Variants in FSTL4 observed in about 807,000 individuals in gnomAD.
The protein encoded by FSTL4 is follistatin-related protein 4.
FSTL4 carries 28 observed loss-of-function variants against 78.2 expected under a neutral mutation model. The observed-to-expected ratio is 0.36, with a 90% confidence interval of 0.27 to 0.49. FSTL4 has a LOEUF of 0.49. FSTL4 is among the 20% of genes least tolerant of loss of function. The pLI, the probability that FSTL4 is intolerant of heterozygous loss-of-function variation, is 0.98. For missense variants in FSTL4, 922 were observed against 1,084.9 expected, an observed-to-expected ratio of 0.85 and a Z score of 2.11; for synonymous variants, 422 against 440.5, an observed-to-expected ratio of 0.96 and a Z score of 0.53.
the FSTL4 span, among the ~76,000 whole-genome samples, chr5:133,675,137 A>G: frequency 6.6e-6 from 1 of 152,084 alleles, no homozygotes; most frequent in Admixed American, 6.5e-5. Flanking sequence ...CCTCTCCGAG[A>G]AAATGGCATT....
the FSTL4 span, among the ~76,000 whole-genome samples, chr5:133,749,010 G>T: frequency 6.6e-6 from 1 of 152,144 alleles, no homozygotes; most frequent in African/African-American, 2.4e-5. Flanking sequence ...TCAAGGATAG[G>T]ACAATTGGTG....
the FSTL4 span, among the ~76,000 whole-genome samples, chr5:133,827,451 T>C: frequency 1.3e-5 from 2 of 152,078 alleles, no homozygotes; most frequent in Non-Finnish European, 2.9e-5. Context: ...TCAGCTGATA[T>C]GGATGCAGAT....
chr5:133,517,916 G>A (rs1335166859), intron 3 of FSTL4, among the ~76,000 whole-genome samples: 1 of 152,124 alleles, frequency 6.6e-6, no homozygotes, highest in East Asian at 1.9e-4. Context: ...CCACTGACTG[G>A]GTGAGGTCCA....
intron 2 of FSTL4, among the ~76,000 whole-genome samples, chr5:133,589,245 C>A (rs1426726613): frequency 1.4e-5 from 1 of 70,546 alleles, no homozygotes; most frequent in Admixed American, 1.5e-4. Flanking sequence ...ATGTAACTAA[C>A]CTGCACAATG....
At chr5:133,709,831 C>G in the FSTL4 span, among the ~76,000 whole-genome samples, 13 of 152,350 alleles carry the variant, frequency 8.5e-5, no homozygotes, top group African/African-American at 2.9e-4. Flanking sequence ...ATAGATCTCA[C>G]TTTTATGTTG....
chr5:133,749,634 C>CA, the FSTL4 span, among the ~76,000 whole-genome samples: 1 of 152,208 alleles, frequency 6.6e-6, no homozygotes, highest in Non-Finnish European at 1.5e-5. Flanking sequence ...CAAAGCCTCC[C>CA]ACACCCTTAT....
intron 2 of FSTL4, among the ~76,000 whole-genome samples, chr5:133,593,879 C>G (rs952897221): frequency 1.3e-5 from 2 of 152,102 alleles, no homozygotes; most frequent in African/African-American, 4.8e-5. Flanking sequence ...TCTGAAGCAG[C>G]TGATTGCTCC....
intron 3 of FSTL4, among the ~76,000 whole-genome samples, chr5:133,425,841 C>T (rs1190533935): frequency 2.0e-5 from 3 of 152,176 alleles, no homozygotes; most frequent in African/African-American, 4.8e-5. Context: ...GTGGTTTGTC[C>T]ACTGCACGAT....
At chr5:133,772,351 TTG>T in the FSTL4 span, among the ~76,000 whole-genome samples, 1 of 152,344 alleles carries the variant, frequency 6.6e-6, no homozygotes, top group African/African-American at 2.4e-5. Context: ...AATAAACCAT[TTG>T]TGTTTTTTAG....
intron 3 of FSTL4, among the ~76,000 whole-genome samples, chr5:133,406,455 G>A (rs946842350): frequency 5.9e-5 from 9 of 152,186 alleles, no homozygotes; most frequent in Non-Finnish European, 1.3e-4. Flanking sequence ...TCCTCTTAGA[G>A]GCCAGAAAAC....
At chr5:133,462,436 C>A (rs1757611524) in intron 3 of FSTL4, among the ~76,000 whole-genome samples, 1 of 152,250 alleles carries the variant, frequency 6.6e-6, no homozygotes, top group South Asian at 2.1e-4. Context: ...TATCTTTCAG[C>A]CCATTAACAC....
chr5:133,461,486 C>T (rs1757589797), intron 3 of FSTL4, among the ~76,000 whole-genome samples: 1 of 152,170 alleles, frequency 6.6e-6, no homozygotes, highest in Non-Finnish European at 1.5e-5. Context: ...ATGTTTGTTG[C>T]TGTAAATCTG....
At chr5:133,215,523 T>A (rs2126779380) in intron 13 of FSTL4, among the ~76,000 whole-genome samples, 1 of 151,874 alleles carries the variant, frequency 6.6e-6, no homozygotes, top group Non-Finnish European at 1.5e-5. Flanking sequence ...AAGTCTCTTC[T>A]CTTCTAACAG....
chr5:133,501,949 A>G (rs964215433), intron 3 of FSTL4, among the ~76,000 whole-genome samples: 1 of 152,170 alleles, frequency 6.6e-6, no homozygotes, highest in Admixed American at 6.5e-5. Flanking sequence ...GCAGACACAC[A>G]GGGAAGAGAC....
chr5:133,492,019 T>C (rs1024957237), intron 3 of FSTL4, among the ~76,000 whole-genome samples: 2 of 152,228 alleles, frequency 1.3e-5, no homozygotes, highest in Non-Finnish European at 2.9e-5. Context: ...TCTACTGAGC[T>C]GTCTGAATGT....
chr5:133,327,691 G>A (rs1021154701), intron 4 of FSTL4, among the ~76,000 whole-genome samples: 1 of 152,194 alleles, frequency 6.6e-6, no homozygotes, highest in African/African-American at 2.4e-5. Context: ...AGGGGGAGGA[G>A]GGCATGGCTA....
chr5:133,705,322 G>A, the FSTL4 span, among the ~76,000 whole-genome samples: 3 of 152,176 alleles, frequency 2.0e-5, no homozygotes, highest in Admixed American at 2.0e-4. Flanking sequence ...GCCTCCCAAA[G>A]TGCTAGGATT....
At chr5:133,287,167 T>C (rs1561657518) in intron 6 of FSTL4, among the ~76,000 whole-genome samples, 1 of 152,116 alleles carries the variant, frequency 6.6e-6, no homozygotes, top group Non-Finnish European at 1.5e-5. Context: ...GGCGGGTGGA[T>C]CACAAGGTCA....
intron 6 of FSTL4, among the ~76,000 whole-genome samples, chr5:133,310,809 C>T (rs968761923): frequency 6.6e-6 from 1 of 152,180 alleles, no homozygotes; most frequent in Non-Finnish European, 1.5e-5. Context: ...CCCCAGAGAA[C>T]ATGTTGCTGC....
Sources: allele counts gnomAD v4.1 joint callset (sites outside exome capture counted in the v4.1 genomes callset), GRCh38; gene constraint gnomAD v4.1.1; transcripts MANE v1.5; gene names NCBI Gene and HGNC (gene_info 2026-07-23, HGNC 2026-07-21).